SERINC5: variants seen among roughly 807,000 people sequenced by gnomAD.
The protein encoded by SERINC5 is serine incorporator 5.
SERINC5 carries 41 observed loss-of-function variants against 63.1 expected under a neutral mutation model. The ratio of observed to expected loss-of-function variants is 0.65; its 90% CI spans 0.51 to 0.84. SERINC5 has a LOEUF of 0.84. Ranked by LOEUF, SERINC5 falls within the 40% of genes least tolerant of loss-of-function variation. The pLI is 0.00. For missense variants in SERINC5, 523 were observed against 573.0 expected (o/e 0.91, Z 0.89); for synonymous variants, 222 against 215.2 (o/e 1.03, Z -0.28).
In SERINC5 at chr5:80,143,508, G is replaced by C; in HGVS notation, c.*155C>G. The C allele has an allele frequency of 7.3e-7, 1 of 1,362,710 alleles. No individual in the cohort carries two copies. Among genetic ancestry groups the C allele is most frequent in the Non-Finnish European group, 9.4e-7 (1 of 1,060,838 alleles). 84.4% of individuals were successfully genotyped at this position (1,362,710 alleles called of 1,614,324 possible). A position where few individuals can be genotyped will look rare whatever the true frequency, so the allele number is the denominator to read the frequency against. On this transcript the variant is annotated 3_prime_UTR_variant, in exon 12 of 12. Coordinates refer to ENST00000507668, the MANE Select transcript of SERINC5 (RefSeq NM_001174072.3). ...GGTAGTTTCTTTTTGAATTTCAAAA[G>C]TAAAAAGCTAATCAGGAGATTTTTT...
chr5:80,173,249 G>C (rs532270207), intron 5 of SERINC5, among the ~76,000 whole-genome samples: 1 of 145,214 alleles, frequency 6.9e-6, no homozygotes, highest in African/African-American at 2.7e-5. Flanking sequence ...AAGGAAGGAA[G>C]GAAGGAAGGA....
At position 80,186,126 on chromosome 5, in the gene SERINC5, GAAAAAAAAAAAAAAA is replaced by G. The variant is rs10554934; in HGVS notation, c.196-8077_196-8063del. 6.4e-3 allele frequency among the ~76,000 whole-genome samples: 396 copies of G among 61,452 alleles called. 5 individuals carry two copies. The highest frequency in any genetic ancestry group is 0.019 in the African/African-American group (359 of 19,356). The allele number at this position is 61,452 out of a possible 152,430, so 40.3% of individuals were successfully genotyped here. A position where few individuals can be genotyped will look rare whatever the true frequency, so the allele number is the denominator to read the frequency against. ...ATTGAAAGATTAACTTTCTTGTTTT[GAAAAAAAAAAAAAAA>G]AAAAAAAAAAAAAAGACAGAGTTTC... On this transcript the variant is annotated intron_variant, in intron 2 of 11. Coordinates refer to ENST00000507668, the MANE Select transcript of SERINC5 (RefSeq NM_001174072.3).
intron 11 of SERINC5, among the ~76,000 whole-genome samples, chr5:80,132,037 G>A (rs1374414632): frequency 1.3e-5 from 2 of 152,160 alleles, no homozygotes; most frequent in African/African-American, 4.8e-5. Context: ...GCCTAGTTGA[G>A]CATTTCTGCC....
rs749616289 is a variant in SERINC5, at chr5:80,147,290, A to G, written c.1054-6T>C. The G allele has an allele frequency of 6.2e-7, 1 of 1,605,448 alleles. No individual in the cohort carries two copies. Among genetic ancestry groups the G allele is most frequent in the East Asian group, 2.2e-5 (1 of 44,684 alleles). On this transcript the variant is annotated splice_polypyrimidine_tract_variant and splice_region_variant and intron_variant, in intron 9 of 11. Transcript: ENST00000507668. ...CAAAAACAACAGCGAGCTATCTGTGAAAGCAAAAGCAACAGTCAGGCGGCT... is the reference window on the plus strand; with the variant it reads ...CAAAAACAACAGCGAGCTATCTGTGGAAGCAAAAGCAACAGTCAGGCGGCT...
At chr5:80,250,720 T>C (rs1752373088) in intron 1 of SERINC5, among the ~76,000 whole-genome samples, 2 of 152,238 alleles carry the variant, frequency 1.3e-5, no homozygotes. Flanking sequence ...TTAAGCTGCA[T>C]TATAGGGGCA....
intron 1 of SERINC5, among the ~76,000 whole-genome samples, chr5:80,231,895 G>C (rs1364158218): frequency 6.6e-6 from 1 of 151,772 alleles, no homozygotes; most frequent in African/African-American, 2.4e-5. Flanking sequence ...GAGCCCAAGA[G>C]TTGGAGACCA....
At chr5:80,119,279 G>A (rs1227371665) in intron 11 of SERINC5, among the ~76,000 whole-genome samples, 2 of 152,200 alleles carry the variant, frequency 1.3e-5, no homozygotes, top group Non-Finnish European at 1.5e-5. Flanking sequence ...AGTTATCTCT[G>A]CTTCCTTCAC....
intron 2 of SERINC5, among the ~76,000 whole-genome samples, chr5:80,201,055 C>T (rs1019727533): frequency 6.6e-5 from 10 of 151,996 alleles, no homozygotes; most frequent in South Asian, 2.1e-4. Flanking sequence ...GCTGAGATCG[C>T]GCCATTGCAC....
chr5:80,199,018 A>C (rs1749670950), intron 2 of SERINC5, among the ~76,000 whole-genome samples: 1 of 152,026 alleles, frequency 6.6e-6, no homozygotes, highest in Non-Finnish European at 1.5e-5. Flanking sequence ...TCACCTCCCA[A>C]AATATCTCCC....
chr5:80,229,341 A>ATTTTTTTTTT (rs59664490), intron 1 of SERINC5, among the ~76,000 whole-genome samples: 1 of 120,226 alleles, frequency 8.3e-6, no homozygotes, highest in Non-Finnish European at 1.7e-5. Flanking sequence ...TACTTACACA[A>ATTTTTTTTTT]TTTTTTTTTT....
intron 1 of SERINC5, among the ~76,000 whole-genome samples, chr5:80,210,533 A>C (rs982757234): frequency 6.6e-6 from 1 of 152,192 alleles, no homozygotes; most frequent in African/African-American, 2.4e-5. Context: ...TCCAAGTACT[A>C]CTTCTGTTAA....
exon 13 of SERINC5, chr5:80,111,702 G>C (rs538530907): frequency 6.6e-6 from 1 of 152,268 alleles, no homozygotes; most frequent in South Asian, 2.1e-4. Flanking sequence ...AGGTTTCTCA[G>C]CTAAGAGAGA....
At position 80,235,045 on chromosome 5, in the gene SERINC5, C is replaced by G. The variant is rs564887920; in HGVS notation, c.27+20851G>C. ...ACAGATTTCTATAACTTTTTCATCA[C>G]GCAGCACTGAATCGCTATACCCACT... On this transcript the variant is annotated intron_variant, in intron 1 of 11. Coordinates refer to ENST00000507668, the MANE Select transcript of SERINC5 (RefSeq NM_001174072.3). Among the ~76,000 whole-genome samples, 22 of 152,204 alleles carry G rather than the reference C, an allele frequency of 1.4e-4. No individual in the cohort carries two copies. In the South Asian group the frequency reaches 3.7e-3, roughly 26 times the overall value.
chr5:80,255,384 C>T (rs1752609796), intron 1 of SERINC5, among the ~76,000 whole-genome samples: 3 of 152,228 alleles, frequency 2.0e-5, no homozygotes, highest in East Asian at 1.9e-4. Flanking sequence ...GGAAGTCAGG[C>T]TTCGAGACAT....
At chr5:80,160,561 TTTTA>T (rs1333995804) in intron 7 of SERINC5, among the ~76,000 whole-genome samples, 1 of 152,212 alleles carries the variant, frequency 6.6e-6, no homozygotes, top group African/African-American at 2.4e-5. Flanking sequence ...TTAAGGAATC[TTTTA>T]TTATTTGTAT....
chr5:80,140,526 T>C lies in SERINC5; in HGVS notation c.*3137A>G. Reference sequence around the variant, plus strand: ...CCTTCAAAGAGGCTCCAAATACCTCTGGCAAATAATTTCTTTTTCAGACAA... The same window carrying C: ...CCTTCAAAGAGGCTCCAAATACCTCCGGCAAATAATTTCTTTTTCAGACAA... On this transcript the variant is annotated 3_prime_UTR_variant, in exon 12 of 12. Transcript: ENST00000507668. 1.0e-6 allele frequency: 1 copy of C among 978,384 alleles called. No individual in the cohort carries two copies. Among genetic ancestry groups the C allele is most frequent in the South Asian group, 4.8e-5 (1 of 20,912 alleles). The allele number at this position is 978,384 out of a possible 1,614,324, so 60.6% of individuals were successfully genotyped here. A position where few individuals can be genotyped will look rare whatever the true frequency, so the allele number is the denominator to read the frequency against.
intron 1 of SERINC5, among the ~76,000 whole-genome samples, chr5:80,222,919 G>A (rs1202950051): frequency 6.6e-6 from 1 of 152,044 alleles, no homozygotes; most frequent in Non-Finnish European, 1.5e-5. Flanking sequence ...GAGTACAGTG[G>A]TACGGTCACA....
At chr5:80,224,608 C>CT (rs1751081938) in intron 1 of SERINC5, among the ~76,000 whole-genome samples, 1 of 152,104 alleles carries the variant, frequency 6.6e-6, no homozygotes, top group Non-Finnish European at 1.5e-5. Context: ...AGCAACAGCT[C>CT]TTGAAAAGTG....
chr5:80,217,560 C>T (rs1053904035), intron 1 of SERINC5, among the ~76,000 whole-genome samples: 4 of 152,160 alleles, frequency 2.6e-5, no homozygotes, highest in African/African-American at 4.8e-5. Context: ...AGTTTAGCGG[C>T]GAGTGAGCTC....
Sources: allele counts gnomAD v4.1 joint callset (sites outside exome capture counted in the v4.1 genomes callset), GRCh38; gene constraint gnomAD v4.1.1; transcripts MANE v1.5; gene names NCBI Gene and HGNC (gene_info 2026-07-23, HGNC 2026-07-21).